PCNX2: variants seen among roughly 807,000 people sequenced by gnomAD.
PCNX2 encodes the protein pecanex 2.
A neutral mutation model predicts 223.8 loss-of-function variants in PCNX2; 168 were observed. The observed-to-expected ratio is 0.75, with a 90% confidence interval of 0.66 to 0.85. The LOEUF (loss-of-function observed/expected upper bound fraction) is 0.85. Ranked by LOEUF, PCNX2 falls within the 40% of genes least tolerant of loss-of-function variation. PCNX2 has a pLI of 0.00. For missense variants in PCNX2, 2,507 were observed against 2,675.5 expected (o/e 0.94, Z 1.39); for synonymous variants, 1,006 against 1,052.6 (o/e 0.96, Z 0.86).
intron 9 of PCNX2, among the ~76,000 whole-genome samples, chr1:233,233,423 C>CGTGTGT (rs1558373333): frequency 1.4e-4 from 16 of 115,490 alleles, no homozygotes; most frequent in African/African-American, 5.7e-4. Context: ...CTCCTCTTCT[C>CGTGTGT]CTGTGTGTGT....
At chr1:233,088,936 T>C (rs1489133110) in intron 23 of PCNX2, among the ~76,000 whole-genome samples, 5 of 152,230 alleles carry the variant, frequency 3.3e-5, no homozygotes, top group South Asian at 2.1e-4. Context: ...GTAGGTCTTA[T>C]GATTTTACTT....
intron 15 of PCNX2, among the ~76,000 whole-genome samples, chr1:233,183,580 T>C (rs1679933114): frequency 6.6e-6 from 1 of 152,216 alleles, no homozygotes; most frequent in South Asian, 2.1e-4. Context: ...CTTCAAACAG[T>C]ACCCCCAGCA....
chr1:233,281,204 A>G (rs1661178341), intron 1 of PCNX2, among the ~76,000 whole-genome samples: 1 of 152,230 alleles, frequency 6.6e-6, no homozygotes, highest in Non-Finnish European at 1.5e-5. Context: ...GACATTTCTT[A>G]TATTCAGGAA....
chr1:233,224,240 G>A (rs1558363084), intron 10 of PCNX2, among the ~76,000 whole-genome samples: 1 of 152,190 alleles, frequency 6.6e-6, no homozygotes, highest in Non-Finnish European at 1.5e-5. Flanking sequence ...TCAGTGTTTT[G>A]AAGGAAAGGG....
intron 12 of PCNX2, among the ~76,000 whole-genome samples, chr1:233,211,057 A>G (rs1373840494): frequency 6.6e-6 from 1 of 152,210 alleles, no homozygotes; most frequent in Non-Finnish European, 1.5e-5. Flanking sequence ...TCTTAGAGAC[A>G]GTGGAATGGT....
chr1:233,019,239 T>C (rs1041997668), intron 26 of PCNX2: 32 of 974,994 alleles, frequency 3.3e-5, no homozygotes, highest in Non-Finnish European at 3.8e-5. Context: ...TGCTCTCCCT[T>C]CTTTTGGACA....
chr1:233,068,327 T>C (rs1672706814), intron 23 of PCNX2, among the ~76,000 whole-genome samples: 1 of 152,052 alleles, frequency 6.6e-6, no homozygotes, highest in South Asian at 2.1e-4. Context: ...TCAACAGATG[T>C]TCTACCCTGA....
upstream of PCNX2, among the ~76,000 whole-genome samples, chr1:233,299,113 A>G (rs931230529): frequency 3.3e-5 from 5 of 151,940 alleles, no homozygotes; most frequent in Non-Finnish European, 2.9e-5. Flanking sequence ...TCTTACTGCA[A>G]TTCCTTCCAT....
rs756370558 is a variant in PCNX2, at chr1:233,262,048, T to C, written c.477A>G (p.Pro159=). 3 of 1,613,468 alleles carry C rather than the reference T, an allele frequency of 1.9e-6. No homozygotes were observed. In the African/African-American group the frequency reaches 4.0e-5, roughly 22 times the overall value. ...QSITSHHSSG[P]LELSAQETVE... ...AACAGGAAAGAAGACCACTAACCAA[T>C]GGCCCAGAAGAGTGATGAGAGGTTA... The change falls in exon 3 of 34, where the codon CCA becomes CCG. Residue 159 remains proline, a synonymous_variant. Coordinates refer to ENST00000258229, the MANE Select transcript of PCNX2 (RefSeq NM_014801.4).
intron 9 of PCNX2, among the ~76,000 whole-genome samples, chr1:233,234,240 G>A (rs1314769922): frequency 1.3e-5 from 2 of 152,120 alleles, no homozygotes; most frequent in African/African-American, 2.4e-5. Flanking sequence ...TGGCTGAAAC[G>A]TAATTTAATT....
In PCNX2 at chr1:233,258,816, G is replaced by A; in HGVS notation, c.1046C>T (p.Ser349Phe). The A allele has an allele frequency of 1.2e-6, 2 of 1,613,900 alleles. No individual in the cohort carries two copies. Among genetic ancestry groups the A allele is most frequent in the Non-Finnish European group, 1.7e-6 (2 of 1,179,882 alleles). Reference protein sequence around the residue: ...GDLPLHQEVDSSDSEVAVTLI... With the variant: ...GDLPLHQEVDFSDSEVAVTLI... ...AGTAACAGCTACCTCACTATCTGAG[G>A]AGTCCACTTCCTGGTGCAAGGGCAG... Residue 349 changes from serine (S) to phenylalanine (F), a missense_variant, in exon 5 of 34, where the codon TCC becomes TTC. By Grantham distance (155) the Ser-to-Phe change is radical. Coordinates refer to ENST00000258229, the MANE Select transcript of PCNX2 (RefSeq NM_014801.4).
chr1:233,239,911 C>T (rs547581019), intron 8 of PCNX2, among the ~76,000 whole-genome samples: 1 of 152,308 alleles, frequency 6.6e-6, no homozygotes, highest in South Asian at 2.1e-4. Context: ...AAGACAGTCT[C>T]AAACAGCATA....
rs974550857 is a variant in PCNX2 at position 233,000,586 on chromosome 1, C to A, written c.5098-51G>T. ...GCTGGGCAAGGACCAGAGGAACTCA[C>A]CCCCAGGAAGCATGCAGATGGCAAC... On this transcript the variant is annotated intron_variant, in intron 29 of 33. Coordinates refer to ENST00000258229, the MANE Select transcript of PCNX2 (RefSeq NM_014801.4). This position sits in a 1 kb window ranked among gnomAD's most constrained non-coding sequence, Gnocchi z 4.6. The A allele has an allele frequency of 4.1e-6, 6 of 1,479,438 alleles. No individual in the cohort carries two copies. In the African/African-American group the frequency reaches 4.2e-5, roughly 10 times the overall value. The allele number at this position is 1,479,438 out of a possible 1,614,324, so 91.6% of individuals were successfully genotyped here. A position where few individuals can be genotyped will look rare whatever the true frequency, so the allele number is the denominator to read the frequency against.
At chr1:233,145,489 CTGTGA>C (rs1321289885) in intron 19 of PCNX2, among the ~76,000 whole-genome samples, 2 of 152,094 alleles carry the variant, frequency 1.3e-5, no homozygotes, top group Non-Finnish European at 2.9e-5. Flanking sequence ...CTGGAGTGAA[CTGTGA>C]TGTTTTATGT....
chr1:233,142,557 C>T (rs1290278837), intron 19 of PCNX2, among the ~76,000 whole-genome samples: 1 of 152,164 alleles, frequency 6.6e-6, no homozygotes, highest in Non-Finnish European at 1.5e-5. Flanking sequence ...ACTCACCTTC[C>T]ACCCTGAACC....
At chr1:233,306,693 G>C in the PCNX2 span, among the ~76,000 whole-genome samples, 1 of 152,158 alleles carries the variant, frequency 6.6e-6, no homozygotes, top group Non-Finnish European at 1.5e-5. Context: ...GTGCTTGAAG[G>C]TATCTGACCA....
chr1:233,074,783 G>T (rs1372891424), intron 23 of PCNX2, among the ~76,000 whole-genome samples: 1 of 151,990 alleles, frequency 6.6e-6, no homozygotes, highest in Admixed American at 6.6e-5. Context: ...ACATTTCACT[G>T]AAGAGACTAT....
chr1:233,151,682 A>T (rs1162382779), intron 19 of PCNX2, among the ~76,000 whole-genome samples: 232 of 151,592 alleles, frequency 1.5e-3, no homozygotes, highest in African/African-American at 5.2e-3. Flanking sequence ...TTATTTATTT[A>T]TTTATTTTTG....
intron 1 of PCNX2, chr1:233,291,644 C>T: frequency 1.3e-6 from 1 of 745,184 alleles, no homozygotes; most frequent in Non-Finnish European, 1.6e-6. Context: ...AGAATGGGAA[C>T]TGTGTCTTTT....
Sources: gnomAD v4.1 joint callset for allele counts (sites outside exome capture counted in the v4.1 genomes callset) on GRCh38, gnomAD v4.1.1 for gene constraint, Gnocchi (gnomAD v3.1) non-coding constraint, MANE v1.5 for transcripts, NCBI Gene and HGNC (gene_info 2026-07-23, HGNC 2026-07-21) for gene names.